FLT1: variants seen among roughly 807,000 people sequenced by gnomAD.
The protein encoded by FLT1 is vascular endothelial growth factor receptor 1.
FLT1 carries 49 observed loss-of-function variants against 156.3 expected under a neutral mutation model. The ratio of observed to expected loss-of-function variants is 0.31; its 90% CI spans 0.25 to 0.40. The LOEUF (loss-of-function observed/expected upper bound fraction) is 0.40. Ranked by LOEUF, FLT1 falls within the 10% of genes least tolerant of loss-of-function variation. The pLI is 1.00. For missense variants in FLT1, 1,322 were observed against 1,637.2 expected (o/e 0.81, Z 3.32); for synonymous variants, 594 against 583.8 (o/e 1.02, Z -0.25).
At position 28,473,835 on chromosome 13, in the gene FLT1, A is replaced by AAAGGAAGG. The variant is rs59979408; in HGVS notation, c.65-6219_65-6218insCCTTCCTT. Among the ~76,000 whole-genome samples the AAAGGAAGG allele has an allele frequency of 5.1e-4, 60 of 118,774 alleles. 3 individuals are homozygous for AAAGGAAGG. The highest frequency in any genetic ancestry group is 3.9e-3 in the Middle Eastern group (1 of 256). The allele number at this position is 118,774 out of a possible 152,430, so 77.9% of individuals were successfully genotyped here. A position where few individuals can be genotyped will look rare whatever the true frequency, so the allele number is the denominator to read the frequency against. On this transcript the variant is annotated intron_variant, in intron 1 of 29. Transcript: ENST00000282397. ...GAAAGAAAGAAAGAAAGAAAGAAAG[A>AAAGGAAGG]AAGGAAGAAAGAAAGAAAGAAAGAA... is the stretch of plus-strand genomic sequence containing the variant.
chr13:28,311,910 A>ATATTATATT, intron 26 of FLT1, 83 bp downstream of exon 26: 1 of 1,094,950 alleles, frequency 9.1e-7, no homozygotes, highest in Non-Finnish European at 1.4e-6. Context: ...CTATTATATT[A>ATATTATATT]ATAGCTCTTA....
At chr13:28,448,878 CA>C (rs1236957283) in intron 3 of FLT1, among the ~76,000 whole-genome samples, 1 of 152,210 alleles carries the variant, frequency 6.6e-6, no homozygotes, top group Non-Finnish European at 1.5e-5. Context: ...GTAAACTCCT[CA>C]CCTTATGAGT....
intron 23 of FLT1, among the ~76,000 whole-genome samples, chr13:28,319,812 C>A (rs1407155730): frequency 1.3e-5 from 2 of 152,176 alleles, no homozygotes; most frequent in Non-Finnish European, 2.9e-5. Flanking sequence ...GAGAAATCCT[C>A]CCCCACAAAG....
intron 15 of FLT1, among the ~76,000 whole-genome samples, chr13:28,348,150 C>T (rs532579926): frequency 6.6e-5 from 10 of 152,310 alleles, no homozygotes; most frequent in Middle Eastern, 3.4e-3. Context: ...AGCTCTCCTA[C>T]CCAGCTGTGA....
At chr13:28,313,695 A>G (rs1022014856) in intron 25 of FLT1, among the ~76,000 whole-genome samples, 18 of 152,140 alleles carry the variant, frequency 1.2e-4, no homozygotes. Flanking sequence ...TGTACTGCAG[A>G]CATTACTTGT....
intron 1 of FLT1, among the ~76,000 whole-genome samples, chr13:28,493,939 G>C (rs1358050941): frequency 6.6e-6 from 1 of 152,256 alleles, no homozygotes; most frequent in Non-Finnish European, 1.5e-5. Context: ...GATTTTAAAG[G>C]CTAGGCTTGT....
intron 1 of FLT1, among the ~76,000 whole-genome samples, chr13:28,488,596 T>C (rs770680539): frequency 5.9e-5 from 9 of 152,084 alleles, no homozygotes; most frequent in Non-Finnish European, 8.8e-5. Context: ...AAGCACGTTT[T>C]GGAGTATGAT....
intron 25 of FLT1, among the ~76,000 whole-genome samples, chr13:28,313,718 C>T (rs776856100): frequency 2.6e-5 from 4 of 152,130 alleles, no homozygotes; most frequent in Non-Finnish European, 4.4e-5. Flanking sequence ...TGGGAGATGG[C>T]GGTTGCTGGG....
intron 10 of FLT1, among the ~76,000 whole-genome samples, chr13:28,425,944 T>A (rs1053892132): frequency 4.6e-5 from 7 of 152,170 alleles, no homozygotes; most frequent in African/African-American, 1.4e-4. Context: ...GACAGTCAAA[T>A]GAGAAATCAG....
chr13:28,474,383 A>T (rs1009566227), intron 1 of FLT1, among the ~76,000 whole-genome samples: 1 of 152,028 alleles, frequency 6.6e-6, no homozygotes, highest in African/African-American at 2.4e-5. Context: ...TTGAACCTGG[A>T]GGAGGAGATT....
rs1471471219 is a variant in FLT1, at chr13:28,439,172, G to A, written c.389-827C>T. On this transcript the variant is annotated intron_variant, in intron 3 of 29. Transcript: ENST00000282397. This position sits in a 1 kb window ranked among gnomAD's most constrained non-coding sequence, Gnocchi z 4.1. ...CCTCAGGGAACCAGAATGAGTCCAA[G>A]ATCCTTTTAGAAACATTCTCAGTCT... Among the ~76,000 whole-genome samples the A allele has an allele frequency of 1.3e-5, 2 of 152,170 alleles. No individual in the cohort carries two copies. Among genetic ancestry groups the A allele is most frequent in the Non-Finnish European group, 2.9e-5 (2 of 68,036 alleles).
rs541949940 is a variant in FLT1 at position 28,368,777 on chromosome 13, G to C, written c.2117-11092C>G. 3 of 598,538 alleles carry C rather than the reference G, an allele frequency of 5.0e-6. No individual in the cohort carries two copies. The African/African-American group carries it at 5.8e-5, about 12-fold the overall frequency. The allele number at this position is 598,538 out of a possible 1,614,324, so 37.1% of individuals were successfully genotyped here. A position where few individuals can be genotyped will look rare whatever the true frequency, so the allele number is the denominator to read the frequency against. On this transcript the variant is annotated intron_variant, in intron 14 of 29. Transcript: ENST00000282397. Reference sequence around the variant, plus strand: ...TGGAGTGCAATGGTGCAATCTCTGCGCACTGCAATCTCCACCTTCCGGGTT... The same window carrying C: ...TGGAGTGCAATGGTGCAATCTCTGCCCACTGCAATCTCCACCTTCCGGGTT...
Position 28,412,350 on chromosome 13 carries a change from C to CTTTCTTTCTCTTTCTT in FLT1, c.1437-6457_1437-6456insAAGAAAGAGAAAGAAA, listed in dbSNP as rs71086853. ...CTTTCTTTTCTTTCTTTCTTTCTTT[C>CTTTCTTTCTCTTTCTT]TCTTTCTTTCTTTCTTTCTTTCTTT... On this transcript the variant is annotated intron_variant, in intron 10 of 29. Coordinates refer to ENST00000282397, the MANE Select transcript of FLT1 (RefSeq NM_002019.4). 5.2e-4 allele frequency among the ~76,000 whole-genome samples: 49 copies of CTTTCTTTCTCTTTCTT among 93,804 alleles called. 1 individual carries two copies. Among genetic ancestry groups the CTTTCTTTCTCTTTCTT allele is most frequent in the Non-Finnish European group, 9.1e-4 (40 of 44,076 alleles). The allele number at this position is 93,804 out of a possible 152,430, so 61.5% of individuals were successfully genotyped here. A position where few individuals can be genotyped will look rare whatever the true frequency, so the allele number is the denominator to read the frequency against.
chr13:28,382,013 T>C (rs756258878), intron 14 of FLT1, among the ~76,000 whole-genome samples: 26 of 152,190 alleles, frequency 1.7e-4, no homozygotes, highest in Non-Finnish European at 2.5e-4. Flanking sequence ...AAACTATCTA[T>C]CTGCCCTCTG....
At chr13:28,384,682 TG>T (rs897413444) in intron 14 of FLT1, among the ~76,000 whole-genome samples, 6 of 152,164 alleles carry the variant, frequency 3.9e-5, no homozygotes, top group African/African-American at 1.4e-4. Context: ...GATCTTTCTA[TG>T]GGTTAGGAAT....
At chr13:28,473,083 TAA>T (rs1210660072) in intron 1 of FLT1, among the ~76,000 whole-genome samples, 1 of 152,068 alleles carries the variant, frequency 6.6e-6, no homozygotes, top group Non-Finnish European at 1.5e-5. Flanking sequence ...AAAGCTTAAA[TAA>T]AAAAGACAGA....
chr13:28,476,975 T>C (rs1880586030), intron 1 of FLT1, among the ~76,000 whole-genome samples: 2 of 152,334 alleles, frequency 1.3e-5, no homozygotes, highest in South Asian at 4.1e-4. Context: ...TCATCAAAAC[T>C]TGGACAGTTT....
chr13:28,401,288 C>T (rs1487939185), intron 11 of FLT1, among the ~76,000 whole-genome samples: 1 of 152,122 alleles, frequency 6.6e-6, no homozygotes, highest in African/African-American at 2.4e-5. Context: ...ACTGCTTTTG[C>T]TTTTTGTGGT....
intron 13 of FLT1, chr13:28,387,940 C>T: frequency 2.8e-6 from 3 of 1,061,596 alleles, no homozygotes; most frequent in Non-Finnish European, 3.4e-6. Flanking sequence ...CTCCCCTCCC[C>T]ACAAAAATTG....
Sources: gnomAD v4.1 joint callset for allele counts (sites outside exome capture counted in the v4.1 genomes callset) on GRCh38, gnomAD v4.1.1 for gene constraint, Gnocchi (gnomAD v3.1) non-coding constraint, MANE v1.5 for transcripts, NCBI Gene and HGNC (gene_info 2026-07-23, HGNC 2026-07-21) for gene names.